Variants in FSIP1 observed in about 807,000 individuals in gnomAD.
FSIP1 encodes fibrous sheath interacting protein 1.
FSIP1 carries 65 observed loss-of-function variants against 60.9 expected under a neutral mutation model. That is an observed-to-expected ratio of 1.07 (90% CI 0.87 to 1.31). FSIP1 has a LOEUF of 1.31. Among genes scored for constraint, FSIP1 ranks in the 40% most tolerant of loss-of-function variants. FSIP1 has a pLI of 0.00. For synonymous variants in FSIP1, 209 were observed against 221.2 expected, an observed-to-expected ratio of 0.94 and a Z score of 0.49; for missense variants, 675 against 665.5, an observed-to-expected ratio of 1.01 and a Z score of -0.16.
chr15:39,748,840 T>C (rs866753302), intron 5 of FSIP1, among the ~76,000 whole-genome samples: 1 of 151,634 alleles, frequency 6.6e-6, no homozygotes, highest in African/African-American at 2.4e-5. Flanking sequence ...AAATAGAGGA[T>C]AGAAAAGCCA....
intron 3 of FSIP1, among the ~76,000 whole-genome samples, chr15:39,767,802 C>T (rs1380861846): frequency 4.6e-5 from 7 of 152,314 alleles, no homozygotes; most frequent in African/African-American, 1.2e-4. Flanking sequence ...ACTCCATCCC[C>T]GTTCCAGCTC....
chr15:39,644,412 T>C (rs1434809273), intron 10 of FSIP1, among the ~76,000 whole-genome samples: 1 of 152,194 alleles, frequency 6.6e-6, no homozygotes, highest in African/African-American at 2.4e-5. Context: ...CCCTGTGTTA[T>C]CGCCACCAGT....
intron 10 of FSIP1, among the ~76,000 whole-genome samples, chr15:39,696,876 G>C (rs1371965552): frequency 4.4e-4 from 1 of 2,260 alleles, no homozygotes. Context: ...GTGTCTGTGT[G>C]TGTGTGTGTG....
intron 10 of FSIP1, among the ~76,000 whole-genome samples, chr15:39,675,594 A>T (rs1476091608): frequency 1.3e-5 from 2 of 152,222 alleles, no homozygotes; most frequent in African/African-American, 4.8e-5. Flanking sequence ...CTCCTGAAAG[A>T]TGACCAATAC....
chr15:39,674,137 C>T (rs1007445825), intron 10 of FSIP1, among the ~76,000 whole-genome samples: 9 of 151,772 alleles, frequency 5.9e-5, no homozygotes, highest in African/African-American at 1.9e-4. Flanking sequence ...TCACTGCAAG[C>T]TCCGCCTCCC....
chr15:39,777,077 C>A (rs1162338415), intron 1 of FSIP1, among the ~76,000 whole-genome samples: 2 of 152,124 alleles, frequency 1.3e-5, no homozygotes, highest in Non-Finnish European at 2.9e-5. Context: ...CAGGAGCCCG[C>A]CACCACGCCC....
intron 5 of FSIP1, among the ~76,000 whole-genome samples, chr15:39,750,215 T>C (rs1897123460): frequency 6.6e-6 from 1 of 151,952 alleles, no homozygotes. Context: ...AAGGATTCAA[T>C]ATTGTGATAA....
At chr15:39,780,296 G>C (rs1431357145) in intron 1 of FSIP1, among the ~76,000 whole-genome samples, 1 of 152,154 alleles carries the variant, frequency 6.6e-6, no homozygotes, top group East Asian at 1.9e-4. Flanking sequence ...GGCCGAGGCG[G>C]GCAGATCACG....
At chr15:39,645,339 C>T (rs1209819474) in intron 10 of FSIP1, among the ~76,000 whole-genome samples, 2 of 152,164 alleles carry the variant, frequency 1.3e-5, no homozygotes, top group Non-Finnish European at 2.9e-5. Context: ...CAGTGGGAGC[C>T]CTGCCTCTTC....
chr15:39,708,134 A>G (rs1346824506), intron 10 of FSIP1, among the ~76,000 whole-genome samples: 1 of 152,164 alleles, frequency 6.6e-6, no homozygotes, highest in Non-Finnish European at 1.5e-5. Flanking sequence ...AACCTGGTGG[A>G]AAAACTCTTA....
At chr15:39,705,612 C>G (rs541833083) in intron 10 of FSIP1, among the ~76,000 whole-genome samples, 1 of 151,910 alleles carries the variant, frequency 6.6e-6, no homozygotes, top group Non-Finnish European at 1.5e-5. Context: ...AGTATATATG[C>G]GCCAATATAC....
intron 10 of FSIP1, among the ~76,000 whole-genome samples, chr15:39,638,109 T>C (rs1050547343): frequency 1.3e-5 from 2 of 152,224 alleles, no homozygotes; most frequent in African/African-American, 2.4e-5. Flanking sequence ...ATAAGGCTGA[T>C]TCAGAAAAAG....
intron 4 of FSIP1, among the ~76,000 whole-genome samples, chr15:39,765,241 CTTTTTTTTT>C (rs71132116): frequency 1.3e-4 from 15 of 115,176 alleles, no homozygotes; most frequent in African/African-American, 5.0e-4. Flanking sequence ...GAAATTCTTT[CTTTTTTTTT>C]TTTTTTTTTT....
intron 10 of FSIP1, among the ~76,000 whole-genome samples, chr15:39,658,378 T>A (rs538950142): frequency 6.6e-6 from 1 of 151,430 alleles, no homozygotes; most frequent in Non-Finnish European, 1.5e-5. Context: ...GCCTCCTGAG[T>A]AGCTGGGATT....
At chr15:39,773,862 CA>C (rs1897968388) in intron 2 of FSIP1, among the ~76,000 whole-genome samples, 2 of 152,112 alleles carry the variant, frequency 1.3e-5, no homozygotes. Flanking sequence ...TTAAGGGTGA[CA>C]TGGGATTATC....
chr15:39,611,317 T>G (rs1194388732), intron 11 of FSIP1, among the ~76,000 whole-genome samples: 1 of 151,508 alleles, frequency 6.6e-6, no homozygotes, highest in African/African-American at 2.4e-5. Context: ...TTTGTTGTTG[T>G]TTTTTTTTAT....
chr15:39,618,977 G>T (rs1891345299), intron 10 of FSIP1, among the ~76,000 whole-genome samples: 1 of 152,082 alleles, frequency 6.6e-6, no homozygotes, highest in African/African-American at 2.4e-5. Flanking sequence ...AAAAATCAGT[G>T]TCTTCCATGG....
At chr15:39,701,043 T>C (rs1320317948) in intron 10 of FSIP1, among the ~76,000 whole-genome samples, 1 of 152,006 alleles carries the variant, frequency 6.6e-6, no homozygotes, top group Non-Finnish European at 1.5e-5. Flanking sequence ...TCCCAGCTAT[T>C]TGGGGGGCTG....
chr15:39,731,073 A>C (rs766206392), intron 8 of FSIP1, among the ~76,000 whole-genome samples: 5 of 152,224 alleles, frequency 3.3e-5, no homozygotes, highest in Admixed American at 3.3e-4. Context: ...ACTATTTATA[A>C]TAAAACGTCT....
Sources: gnomAD v4.1 joint callset for allele counts (sites outside exome capture counted in the v4.1 genomes callset) on GRCh38, gnomAD v4.1.1 for gene constraint, MANE v1.5 for transcripts, NCBI Gene and HGNC (gene_info 2026-07-23, HGNC 2026-07-21) for gene names.